MINK1: variants seen among roughly 807,000 people sequenced by gnomAD.
MINK1 encodes the protein misshapen like kinase 1, also known as misshapen-like kinase 1.
MINK1 carries 46 observed loss-of-function variants against 178.4 expected under a neutral mutation model. The observed-to-expected ratio is 0.26, with a 90% confidence interval of 0.20 to 0.33. The LOEUF (loss-of-function observed/expected upper bound fraction) is 0.33. Ranked by LOEUF, MINK1 falls within the 10% of genes least tolerant of loss-of-function variation. The pLI is 1.00. For missense variants in MINK1, 1,366 were observed against 1,814.9 expected (o/e 0.75, Z 4.49); for synonymous variants, 797 against 709.7 (o/e 1.12, Z -1.96).
intron 1 of MINK1, among the ~76,000 whole-genome samples, chr17:4,859,964 C>T (rs1913876646): frequency 1.3e-5 from 2 of 151,320 alleles, no homozygotes; most frequent in South Asian, 2.1e-4. Context: ...AGGGAAGGGG[C>T]GCGTCCGGGA....
chr17:4,892,128 C>G (rs376699611), intron 16 of MINK1, 21 bp from the exon 17 acceptor site: 45 of 1,570,846 alleles, frequency 2.9e-5, no homozygotes, highest in Non-Finnish European at 3.5e-5. Context: ...CAGCTCGCAG[C>G]ACGTGGACTT....
intron 1 of MINK1, among the ~76,000 whole-genome samples, chr17:4,841,496 CA>C (rs1317269045): frequency 2.0e-5 from 3 of 151,948 alleles, no homozygotes; most frequent in Non-Finnish European, 4.4e-5. Context: ...AGAGCCACCT[CA>C]ACTTATGTTT....
At chr17:4,867,828 G>A (rs1366776964) in intron 1 of MINK1, among the ~76,000 whole-genome samples, 1 of 151,742 alleles carries the variant, frequency 6.6e-6, no homozygotes, top group Non-Finnish European at 1.5e-5. Context: ...AAAAAAAAAA[G>A]GAATTGATAC....
At position 4,873,617 on chromosome 17, in the gene MINK1, C is replaced by CTTTTTTTTT. The variant is rs71367860; in HGVS notation, c.58-4689_58-4681dup. ...GGTCTTCGCCACTCTTTTTTCTTTT[C>CTTTTTTTTT]TTTTTTTTTTTTTTTTTTTGAGAAG... On this transcript the variant is annotated intron_variant, in intron 1 of 31. Coordinates refer to ENST00000355280, the MANE Select transcript of MINK1 (RefSeq NM_153827.5). Among the ~76,000 whole-genome samples, 3 of 108,086 alleles carry CTTTTTTTTT rather than the reference C, an allele frequency of 2.8e-5. 1 individual carries two copies. Among genetic ancestry groups the CTTTTTTTTT allele is most frequent in the Non-Finnish European group, 5.7e-5 (3 of 52,224 alleles). The allele number at this position is 108,086 out of a possible 152,430, so 70.9% of individuals were successfully genotyped here.
rs1057446909 is a variant in MINK1 at position 4,833,841 on chromosome 17, G to C, written c.57+201G>C. On this transcript the variant is annotated intron_variant, in intron 1 of 31. Coordinates refer to ENST00000355280, the MANE Select transcript of MINK1 (RefSeq NM_153827.5). This position sits in a 1 kb window ranked among gnomAD's most constrained non-coding sequence, Gnocchi z 4.8. ...CCTTCTCTCTCCACTGGCTGCAGAT[G>C]CTGGGAGCCAGTTCGGTCCCCACCC... is the stretch of plus-strand genomic sequence containing the variant. 1.4e-4 allele frequency among the ~76,000 whole-genome samples: 21 copies of C among 152,124 alleles called. No individual in the cohort carries two copies. Among genetic ancestry groups the C allele is most frequent in the African/African-American group, 5.1e-4 (21 of 41,426 alleles).
chr17:4,879,799 C>T (rs918006165), intron 2 of MINK1, among the ~76,000 whole-genome samples: 7 of 152,190 alleles, frequency 4.6e-5, no homozygotes, highest in African/African-American at 1.4e-4. Flanking sequence ...GCGGGCCCCT[C>T]TGTGTTTCTC....
chr17:4,888,661 G>A lies in MINK1; in HGVS notation c.1230+871G>A, dbSNP rs565119449. The stretch of plus-strand genomic sequence containing the variant: ...AATAAAAAAATAAAATAAATATAGC[G>A]TTCAGATAGTATAGTAACAAAGTCC... On this transcript the variant is annotated intron_variant, in intron 12 of 31. Coordinates refer to ENST00000355280, the MANE Select transcript of MINK1 (RefSeq NM_153827.5). Among the ~76,000 whole-genome samples the A allele has an allele frequency of 7.4e-5, 11 of 148,062 alleles. No homozygotes were observed. In the East Asian group the frequency reaches 9.9e-4, roughly 13 times the overall value.
chr17:4,892,283 G>C, intron 17 of MINK1, 49 bp downstream of exon 17: 1 of 1,517,558 alleles, frequency 6.6e-7, no homozygotes, highest in Non-Finnish European at 8.9e-7. Flanking sequence ...GGGCAGCCTA[G>C]GGAGTAGGGG....
At position 4,879,642 on chromosome 17, in the gene MINK1, C is replaced by A. The variant is rs144920858; in HGVS notation, c.123+1260C>A. On this transcript the variant is annotated intron_variant, in intron 2 of 31. Transcript: ENST00000355280. ...CTCCATCCTGCTCGTCCCCAGGAAG[C>A]CTTTGGGCATTCCTCTCCAAGCCTT... Among the ~76,000 whole-genome samples the A allele has an allele frequency of 9.2e-5, 14 of 152,300 alleles. 1 individual carries two copies. In the South Asian group the frequency reaches 2.9e-3, roughly 32 times the overall value.
intron 1 of MINK1, among the ~76,000 whole-genome samples, chr17:4,872,862 A>G (rs1178704787): frequency 2.6e-5 from 4 of 151,878 alleles, no homozygotes; most frequent in East Asian, 1.9e-4. Context: ...TGAAAACCCT[A>G]TTGTCTGACT....
intron 31 of MINK1, 56 bp from the exon 32 acceptor site, chr17:4,897,148 G>A: frequency 6.8e-7 from 1 of 1,479,222 alleles, no homozygotes; most frequent in East Asian, 2.3e-5. Flanking sequence ...CCCTCTCCCA[G>A]TTGAGACACC....
chr17:4,857,976 T>A (rs533117949), intron 1 of MINK1, among the ~76,000 whole-genome samples: 1 of 152,250 alleles, frequency 6.6e-6, no homozygotes, highest in South Asian at 2.1e-4. Flanking sequence ...CCATCTGTCC[T>A]TTGTCTCTCA....
Position 4,878,467 on chromosome 17 carries a change from A to G in MINK1, c.123+85A>G. 3.2e-6 allele frequency: 4 copies of G among 1,239,934 alleles called. No homozygotes were observed. In the South Asian group the frequency reaches 5.2e-5, roughly 16 times the overall value. The allele number at this position is 1,239,934 out of a possible 1,614,324, so 76.8% of individuals were successfully genotyped here. On this transcript the variant is annotated intron_variant, in intron 2 of 31. Transcript: ENST00000355280. ...GGAAGGAAGTAGATTCCTGGTCTGC[A>G]GGTCTGAAGGGGGCTATGGGAGATG...
chr17:4,887,599 G>C lies in MINK1; in HGVS notation c.1039G>C (p.Gly347Arg), dbSNP rs1968336002. The C allele has an allele frequency of 1.3e-6, 2 of 1,550,740 alleles. No individual in the cohort carries two copies. The highest frequency in any genetic ancestry group is 1.7e-6 in the Non-Finnish European group (2 of 1,149,820). Residue 347 changes from glycine to arginine, a missense_variant, in exon 12 of 32, where the codon GGA becomes CGA. Gly to Arg is a moderately radical substitution (Grantham distance 125). Coordinates refer to ENST00000355280, the MANE Select transcript of MINK1 (RefSeq NM_153827.5). This position sits in a 1 kb window ranked among gnomAD's most constrained non-coding sequence, Gnocchi z 7.6. Reference sequence around the variant, plus strand: ...GCCCAGCTCCATCATGAACGTGCCTGGAGAGTCGACTCTACGCCGGGAGTT... The same window carrying C: ...GCCCAGCTCCATCATGAACGTGCCTCGAGAGTCGACTCTACGCCGGGAGTT... ...GEPSSIMNVPGESTLRREFLR... is the reference protein window; with the variant it reads ...GEPSSIMNVPRESTLRREFLR...
chr17:4,872,444 C>A (rs1368513306), intron 1 of MINK1, among the ~76,000 whole-genome samples: 2 of 151,960 alleles, frequency 1.3e-5, no homozygotes, highest in Non-Finnish European at 2.9e-5. Context: ...TCAAGACCAG[C>A]CTGGGCAACA....
intron 1 of MINK1, among the ~76,000 whole-genome samples, chr17:4,835,219 A>G (rs1262799005): frequency 6.6e-6 from 1 of 152,204 alleles, no homozygotes; most frequent in Admixed American, 6.5e-5. Flanking sequence ...GATTCTGAGT[A>G]AAAGTCCCTT....
In MINK1 at chr17:4,892,460, C is replaced by A; in HGVS notation, c.2146C>A (p.Pro716Thr). 1 of 1,565,902 alleles carries A rather than the reference C, an allele frequency of 6.4e-7. No individual in the cohort carries two copies. Among genetic ancestry groups the A allele is most frequent in the Non-Finnish European group, 8.6e-7 (1 of 1,156,216 alleles). Residue 716 changes from proline (P) to threonine (T), a missense_variant, in exon 18 of 32, where the codon CCA becomes ACA. Coordinates refer to ENST00000355280, the MANE Select transcript of MINK1 (RefSeq NM_153827.5). ...YLQRRAERGT[P>T]KPPGPPAQPP... Reference sequence around the variant, plus strand: ...GCAAAGGCGGGCAGAGCGGGGCACCCCAAAGCCTCCAGGGCCCCCTGCTCA... The same window carrying A: ...GCAAAGGCGGGCAGAGCGGGGCACCACAAAGCCTCCAGGGCCCCCTGCTCA...
intron 1 of MINK1, among the ~76,000 whole-genome samples, chr17:4,861,180 C>T (rs1158205520): frequency 6.6e-6 from 1 of 152,206 alleles, no homozygotes; most frequent in African/African-American, 2.4e-5. Flanking sequence ...AGGCAGCTCC[C>T]TAGTGAGGCG....
chr17:4,880,825 G>A (rs1381601281), intron 2 of MINK1, among the ~76,000 whole-genome samples, 159 bp from the exon 3 acceptor site: 6 of 151,938 alleles, frequency 3.9e-5, no homozygotes, highest in African/African-American at 9.7e-5. Context: ...GCGTGAACCC[G>A]GGAGGTGGAG....
Sources: allele counts gnomAD v4.1 joint callset (sites outside exome capture counted in the v4.1 genomes callset), GRCh38; gene constraint gnomAD v4.1.1; non-coding constraint Gnocchi (gnomAD v3.1); transcripts MANE v1.5; gene names NCBI Gene and HGNC (gene_info 2026-07-23, HGNC 2026-07-21).